LRRC49: variants seen among roughly 807,000 people sequenced by gnomAD.
The protein encoded by LRRC49 is leucine rich repeat containing 49.
Under a neutral mutation model 83.3 loss-of-function variants are expected in LRRC49, and 50 were observed. The observed-to-expected ratio is 0.60, with a 90% CI of 0.48 to 0.76. The LOEUF (loss-of-function observed/expected upper bound fraction) is 0.76. LRRC49 is among the 30% of genes least tolerant of loss of function. The pLI, the probability that LRRC49 is intolerant of heterozygous loss-of-function variation, is 0.00. For synonymous variants in LRRC49, 286 were observed against 283.3 expected (o/e 1.01, Z -0.10); for missense variants, 704 against 809.1 (o/e 0.87, Z 1.58).
chr15:70,867,762 A>G (rs1324078648), intron 1 of LRRC49, among the ~76,000 whole-genome samples: 1 of 152,188 alleles, frequency 6.6e-6, no homozygotes, highest in Non-Finnish European at 1.5e-5. Flanking sequence ...TGCTATATGA[A>G]GGGCACTGGA....
At chr15:70,875,102 A>G (rs1044978874) in intron 2 of LRRC49, among the ~76,000 whole-genome samples, 1 of 152,250 alleles carries the variant, frequency 6.6e-6, no homozygotes, top group Admixed American at 6.5e-5. Context: ...ATACCAGATA[A>G]CTTCTCTGAT....
rs779233346 is a variant in LRRC49, at chr15:71,049,632, T to A, written c.*20T>A. 3 of 1,561,832 alleles carry A rather than the reference T, an allele frequency of 1.9e-6. No individual in the cohort carries two copies. The highest frequency in any genetic ancestry group is 1.7e-6 in the Non-Finnish European group (2 of 1,143,122). On this transcript the variant is annotated 3_prime_UTR_variant, in exon 16 of 16. Transcript: ENST00000260382. ...AAATAAAAATGGCCTTTAGTTACAG[T>A]TGATTTTGGCAGTTTTATTTTTTGA...
chr15:70,853,846 C>A, intron 1 of LRRC49: 1 of 1,209,908 alleles, frequency 8.3e-7, no homozygotes. Context: ...CGCGGCCCGG[C>A]GCCCCCTCGG....
chr15:70,905,021 T>G (rs149547600), intron 5 of LRRC49, among the ~76,000 whole-genome samples: 1,908 of 152,288 alleles, frequency 0.013, 41 homozygotes, highest in African/African-American at 0.043. Flanking sequence ...AATAGCAGAC[T>G]TTGGCCTTGA....
intron 14 of LRRC49, among the ~76,000 whole-genome samples, chr15:71,016,511 C>T (rs1473447668): frequency 6.6e-6 from 1 of 151,682 alleles, no homozygotes; most frequent in African/African-American, 2.4e-5. Context: ...AAAAGAAGTT[C>T]ATAAAGATAA....
intron 1 of LRRC49, chr15:70,858,941 T>C (rs1430394799): frequency 1.2e-6 from 1 of 802,206 alleles, no homozygotes; most frequent in South Asian, 1.4e-5. Context: ...TGAGCCCTCT[T>C]AACCTGGAGG....
chr15:70,981,861 T>C (rs2037411113), intron 10 of LRRC49, among the ~76,000 whole-genome samples: 1 of 151,516 alleles, frequency 6.6e-6, no homozygotes, highest in Non-Finnish European at 1.5e-5. Flanking sequence ...GCAGAATCTC[T>C]AGCATTCTCT....
chr15:70,897,839 A>G (rs952855623), intron 3 of LRRC49, among the ~76,000 whole-genome samples: 5 of 152,228 alleles, frequency 3.3e-5, no homozygotes, highest in Non-Finnish European at 7.3e-5. Context: ...TTGAGATTTT[A>G]TAAGTGCCAT....
Position 70,872,381 on chromosome 15 carries a change from C to T in LRRC49, c.-298-527C>T, listed in dbSNP as rs932402177. Among the ~76,000 whole-genome samples the T allele has an allele frequency of 1.1e-4, 16 of 143,164 alleles. No homozygotes were observed. The South Asian group carries it at 2.9e-3, about 26-fold the overall frequency. The allele number at this position is 143,164 out of a possible 152,430, so 93.9% of individuals were successfully genotyped here. ...CCTCGGCTCGGCATCAGAGGGAGAC[C>T]GCGGAAAGTGGGAGACGGAGACGTA... is the stretch of plus-strand genomic sequence containing the variant. On this transcript the variant is annotated intron_variant, in intron 1 of 16. Coordinates refer to the LRRC49 transcript ENST00000544974.
At chr15:70,943,003 T>C (rs2035878158) in intron 8 of LRRC49, among the ~76,000 whole-genome samples, 1 of 152,190 alleles carries the variant, frequency 6.6e-6, no homozygotes. Context: ...ACAGTGACTT[T>C]TTTTCTCGTT....
At chr15:71,025,657 TAATAA>T (rs1358466866) in intron 14 of LRRC49, among the ~76,000 whole-genome samples, 6 of 136,034 alleles carry the variant, frequency 4.4e-5, no homozygotes, top group African/African-American at 1.6e-4. Context: ...TAAAATGAAA[TAATAA>T]AATAAAACAA....
At chr15:70,930,951 T>C (rs1302647871) in intron 7 of LRRC49, among the ~76,000 whole-genome samples, 1 of 152,236 alleles carries the variant, frequency 6.6e-6, no homozygotes, top group Non-Finnish European at 1.5e-5. Flanking sequence ...TTCCAGACCA[T>C]TCAAACTTTC....
upstream of LRRC49, chr15:70,892,694 T>C: frequency 2.7e-6 from 4 of 1,458,454 alleles, no homozygotes; most frequent in Non-Finnish European, 3.6e-6. Flanking sequence ...GGTGACGCAC[T>C]GGGCTCTCAC....
chr15:71,048,692 T>C (rs2039929544), intron 15 of LRRC49: 1 of 428,958 alleles, frequency 2.3e-6, no homozygotes. Flanking sequence ...CACTTTGTTT[T>C]AGTCTCTGTG....
At chr15:70,926,842 G>A (rs928524497) in intron 7 of LRRC49, among the ~76,000 whole-genome samples, 1 of 152,110 alleles carries the variant, frequency 6.6e-6, no homozygotes, top group African/African-American at 2.4e-5. Context: ...ATCTGACAAA[G>A]GGCTAATATC....
chr15:71,010,175 A>G (rs2038603441), intron 13 of LRRC49, among the ~76,000 whole-genome samples, 183 bp downstream of exon 13: 1 of 152,046 alleles, frequency 6.6e-6, no homozygotes, highest in Non-Finnish European at 1.5e-5. Flanking sequence ...AAAGAACTAA[A>G]TAAATTGTAA....
At position 70,907,799 on chromosome 15, in the gene LRRC49, A is replaced by C. The variant is rs575011749; in HGVS notation, c.500+3044A>C. 3 of 362,166 alleles carry C rather than the reference A, an allele frequency of 8.3e-6. No homozygotes were observed. In the East Asian group the frequency reaches 2.2e-4, roughly 27 times the overall value. 22.4% of individuals were successfully genotyped at this position (362,166 alleles called of 1,614,324 possible). A position where few individuals can be genotyped will look rare whatever the true frequency, so the allele number is the denominator to read the frequency against. On this transcript the variant is annotated intron_variant, in intron 5 of 15. Transcript: ENST00000260382. ...GTGAGCCTCATCTTTTTCTAGTTTC[A>C]GTTTCTATTCAATGGAAGAACTTCT...
upstream of LRRC49, among the ~76,000 whole-genome samples, chr15:70,889,804 C>T (rs959794228): frequency 2.0e-5 from 3 of 152,084 alleles, no homozygotes; most frequent in African/African-American, 7.2e-5. Flanking sequence ...GATTTTTAGA[C>T]AGTTAGTCCT....
chr15:70,882,681 G>T (rs754847885), intron 2 of LRRC49: 23 of 1,611,066 alleles, frequency 1.4e-5, no homozygotes, highest in Non-Finnish European at 2.0e-5. Flanking sequence ...GTACCTATGA[G>T]TTAGACTTTG....
Sources: allele counts gnomAD v4.1 joint callset (sites outside exome capture counted in the v4.1 genomes callset), GRCh38; gene constraint gnomAD v4.1.1; transcripts MANE v1.5; gene names NCBI Gene and HGNC (gene_info 2026-07-23, HGNC 2026-07-21).